The following TRPM6 variants were observed in gnomAD, a reference collection of about 807,000 sequenced individuals.
The protein encoded by TRPM6 is channel kinase 2.
TRPM6 carries 111 observed loss-of-function variants against 247.6 expected under a neutral mutation model. The ratio of observed to expected loss-of-function variants is 0.45; its 90% CI spans 0.38 to 0.52. The LOEUF (loss-of-function observed/expected upper bound fraction) is 0.52, where lower values mean the gene tolerates loss of function less well. TRPM6 is among the 20% of genes least tolerant of loss of function. The pLI is 0.00. For synonymous variants in TRPM6, 892 were observed against 853.8 expected (o/e 1.04, Z -0.78); for missense variants, 2,126 against 2,421.5 (o/e 0.88, Z 2.56).
chr9:74,802,301 A>G lies in TRPM6; in HGVS notation c.1732-126T>C, dbSNP rs560195281. 5 of 896,156 alleles carry G rather than the reference A, an allele frequency of 5.6e-6. No individual in the cohort carries two copies. In the African/African-American group the frequency reaches 6.8e-5, roughly 12 times the overall value. The allele number at this position is 896,156 out of a possible 1,614,324, so 55.5% of individuals were successfully genotyped here. ...TACTAAAAAAGAGATGGAAATAATA[A>G]TAAGATTTTACAAGCCAGCAAGCAA... On this transcript the variant is annotated intron_variant, in intron 15 of 38. Coordinates refer to ENST00000360774, the MANE Select transcript of TRPM6 (RefSeq NM_017662.5).
At chr9:74,861,139 T>C (rs1037735446) in intron 1 of TRPM6, among the ~76,000 whole-genome samples, 4 of 152,226 alleles carry the variant, frequency 2.6e-5, no homozygotes, top group African/African-American at 7.2e-5. Flanking sequence ...ATTTATTAAA[T>C]ACCTAATTTT....
At chr9:74,883,445 C>A (rs912638749) in intron 1 of TRPM6, among the ~76,000 whole-genome samples, 2 of 152,196 alleles carry the variant, frequency 1.3e-5, no homozygotes, top group African/African-American at 2.4e-5. Context: ...AAGCATCTCA[C>A]TATCCCTTTC....
At position 74,782,938 on chromosome 9, in the gene TRPM6, AC is replaced by A. The variant is rs1381627085; in HGVS notation, c.2920-86del. On this transcript the variant is annotated intron_variant, in intron 21 of 38. Transcript: ENST00000360774. ...AAACACCAGCAGCCATCATAACTAT[AC>A]CTGCAAATAATAAGATTGTCTAGTC... The A allele has an allele frequency of 4.0e-6, 5 of 1,259,082 alleles. No individual in the cohort carries two copies. The Admixed American group carries it at 5.2e-5, about 13-fold the overall frequency. The allele number at this position is 1,259,082 out of a possible 1,614,324, so 78.0% of individuals were successfully genotyped here. A position where few individuals can be genotyped will look rare whatever the true frequency, so the allele number is the denominator to read the frequency against.
At chr9:74,840,935 T>C (rs370530050) in intron 4 of TRPM6, among the ~76,000 whole-genome samples, 2 of 152,106 alleles carry the variant, frequency 1.3e-5, no homozygotes, top group East Asian at 3.9e-4. Flanking sequence ...TCAGAAGCTA[T>C]AACAAATAGG....
Position 74,858,721 on chromosome 9 carries a change from A to G in TRPM6, c.61T>C (p.Phe21Leu), listed in dbSNP as rs758142460. The change falls in exon 2 of 39, where the codon TTT becomes CTT. Residue 21 changes from phenylalanine to leucine, a missense_variant. Physicochemically the swap from Phe to Leu is conservative, Grantham distance 22. Around this residue, in one of 3 missense-constraint regions of TRPM6, gnomAD observed 1,082 missense variants for 1,307.9 expected, o/e 0.83. Coordinates refer to ENST00000360774, the MANE Select transcript of TRPM6 (RefSeq NM_017662.5). ...QSQKSWIKGVFDKRECSTIIP... is the reference protein window; with the variant it reads ...QSQKSWIKGVLDKRECSTIIP... ...ATTGTGCTACATTCTCTCTTGTCAA[A>G]TACTCCTTTAATCCAGGATTTCTGG... The G allele has an allele frequency of 1.2e-6, 2 of 1,613,594 alleles. No individual in the cohort carries two copies. The highest frequency in any genetic ancestry group is 1.7e-6 in the Non-Finnish European group (2 of 1,179,720).
rs185539551 is a variant in TRPM6, at chr9:74,836,889, G to T, written c.545-2767C>A. Among the ~76,000 whole-genome samples, 374 of 152,210 alleles carry T rather than the reference G, an allele frequency of 2.5e-3. 3 individuals carry two copies. Among genetic ancestry groups the T allele is most frequent in the Admixed American group, 4.4e-3 (67 of 15,296 alleles). ...TTCCTACCTTTACCACAAGACCAAT[G>T]CCAAGTGCTATATCCTTCCCAAGAC... is the stretch of plus-strand genomic sequence containing the variant. On this transcript the variant is annotated intron_variant, in intron 5 of 38. Coordinates refer to ENST00000360774, the MANE Select transcript of TRPM6 (RefSeq NM_017662.5).
chr9:74,744,228 T>A, intron 31 of TRPM6, 83 bp from the exon 32 acceptor site: 1 of 1,425,494 alleles, frequency 7.0e-7, no homozygotes. Flanking sequence ...TTCAAAGTTA[T>A]TATTGAACAG....
At chr9:74,803,295 TACACACACACAC>T (rs3056763) in intron 15 of TRPM6, among the ~76,000 whole-genome samples, 2 of 149,424 alleles carry the variant, frequency 1.3e-5, no homozygotes, top group African/African-American at 4.9e-5. Context: ...AACAATGTTG[TACACACACACAC>T]ACACACACAC....
rs751099197 is a variant in TRPM6 at position 74,775,892 on chromosome 9, C to T, written c.3394G>A (p.Val1132Ile). ...RAPHDQEEGD[V>I]GLKLYLSKED... ...ACATAGAACAACTTACTTAATCCAA[C>T]GTCACCCTCTTCTTGGTCGTGAGGA... The change falls in exon 24 of 39, where the codon GTT becomes ATT. Residue 1132 changes from valine to isoleucine, a missense_variant. Around this residue, in one of 3 missense-constraint regions of TRPM6, gnomAD observed 717 missense variants for 715.9 expected, o/e 1.00. Transcript: ENST00000360774. 8.7e-6 allele frequency: 14 copies of T among 1,614,012 alleles called. No homozygotes were observed. Among genetic ancestry groups the T allele is most frequent in the South Asian group, 1.1e-5 (1 of 91,086 alleles).
chr9:74,739,349 G>GTGCCAAGA lies in TRPM6; in HGVS notation c.5570+10_5570+17dup, dbSNP rs768936095. 2.5e-6 allele frequency: 4 copies of GTGCCAAGA among 1,610,244 alleles called. No homozygotes were observed. In the East Asian group the frequency reaches 8.9e-5, roughly 36 times the overall value. ...TTCCTACTTGAAACAAAGGGCCAAGGTGCCAAGATTTTCTTACCTTGGTGT... is the reference window on the plus strand; with the variant it reads ...TTCCTACTTGAAACAAAGGGCCAAGGTGCCAAGATGCCAAGATTTTCTTACCTTGGTGT... On this transcript the variant is annotated intron_variant, in intron 35 of 38. Transcript: ENST00000360774.
At chr9:74,814,889 A>T (rs1828870397) in intron 11 of TRPM6, among the ~76,000 whole-genome samples, 1 of 152,168 alleles carries the variant, frequency 6.6e-6, no homozygotes, top group Non-Finnish European at 1.5e-5. Flanking sequence ...TGGAGGTTGA[A>T]GTGAGCCGAG....
At chr9:74,805,422 C>T (rs1293266249) in intron 14 of TRPM6, among the ~76,000 whole-genome samples, 2 of 152,250 alleles carry the variant, frequency 1.3e-5, no homozygotes, top group East Asian at 1.9e-4. Flanking sequence ...TGGCTCTGGC[C>T]GCTAATCCCA....
intron 3 of TRPM6, among the ~76,000 whole-genome samples, chr9:74,847,225 A>T (rs1830139890): frequency 6.6e-6 from 1 of 152,212 alleles, no homozygotes; most frequent in Admixed American, 6.5e-5. Flanking sequence ...GTTTGAGATA[A>T]GGTCTTACTC....
intron 30 of TRPM6, among the ~76,000 whole-genome samples, chr9:74,750,004 A>G (rs917830248): frequency 2.0e-5 from 3 of 152,218 alleles, no homozygotes; most frequent in African/African-American, 7.2e-5. Context: ...GAAAGTCCAG[A>G]AAATACTACA....
rs1422740499 is a variant in TRPM6, at chr9:74,723,694, CG to C, written c.*918del. The stretch of plus-strand genomic sequence containing the variant: ...GTGCACACCTGTAGTCCCAGCTACC[CG>C]GAAGACTGAGACACAAGAATCGCTC... On this transcript the variant is annotated 3_prime_UTR_variant, in exon 39 of 39. Coordinates refer to ENST00000360774, the MANE Select transcript of TRPM6 (RefSeq NM_017662.5). The C allele has an allele frequency of 2.0e-5, 3 of 150,586 alleles. No individual in the cohort carries two copies. The highest frequency in any genetic ancestry group is 4.4e-5 in the Non-Finnish European group (3 of 67,788). The allele number at this position is 150,586 out of a possible 1,614,324, so 9.3% of individuals were successfully genotyped here.
At chr9:74,775,652 C>T (rs909432082) in intron 24 of TRPM6, among the ~76,000 whole-genome samples, 1 of 152,172 alleles carries the variant, frequency 6.6e-6, no homozygotes, top group African/African-American at 2.4e-5. Context: ...AGCAGAGATT[C>T]TCTTCCTACC....
At chr9:74,835,028 G>T (rs7850238) in intron 5 of TRPM6, among the ~76,000 whole-genome samples, 8,907 of 152,002 alleles carry the variant, frequency 0.059, 706 homozygotes, top group African/African-American at 0.18. Flanking sequence ...TTCCACAATG[G>T]TTGAACTAGT....
chr9:74,873,876 A>C (rs577305599), intron 1 of TRPM6, among the ~76,000 whole-genome samples: 17 of 152,076 alleles, frequency 1.1e-4, no homozygotes, highest in South Asian at 6.2e-4. Flanking sequence ...GAAAAAAAAA[A>C]CCCTCACATT....
At chr9:74,870,640 C>T (rs954585926) in intron 1 of TRPM6, among the ~76,000 whole-genome samples, 1 of 152,040 alleles carries the variant, frequency 6.6e-6, no homozygotes, top group Non-Finnish European at 1.5e-5. Flanking sequence ...AGGCACTCCA[C>T]GGGCTGGGCG....
Sources: allele counts gnomAD v4.1 joint callset (sites outside exome capture counted in the v4.1 genomes callset), GRCh38; gene constraint gnomAD v4.1.1; regional missense constraint gnomAD v4.1.1; transcripts MANE v1.5; gene names NCBI Gene and HGNC (gene_info 2026-07-23, HGNC 2026-07-21).